The following GBP5 variants were observed in gnomAD, a reference collection of about 807,000 sequenced individuals.
GBP5 encodes guanylate-binding protein 5.
A neutral mutation model predicts 58.2 loss-of-function variants in GBP5; 48 were observed. The ratio of observed to expected loss-of-function variants is 0.83; its 90% CI spans 0.65 to 1.05. The LOEUF is 1.05. Ranked by LOEUF, GBP5 falls within the 50% of genes least tolerant of loss-of-function variation. GBP5 has a pLI of 0.00. For synonymous variants in GBP5, 248 were observed against 251.8 expected (o/e 0.98, Z 0.14); for missense variants, 714 against 686.8 (o/e 1.04, Z -0.44).
rs1649891363 is a variant in GBP5, at chr1:89,258,997, G to T, written c.*1707C>A. ...TTTATGGTTAAAATCTGTACAAACAGATATATTTATATAAGTTACATATTT... is the reference window on the plus strand; with the variant it reads ...TTTATGGTTAAAATCTGTACAAACATATATATTTATATAAGTTACATATTT... On this transcript the variant is annotated 3_prime_UTR_variant, in exon 12 of 12. Coordinates refer to ENST00000370459, the MANE Select transcript of GBP5 (RefSeq NM_052942.5). The T allele has an allele frequency of 6.6e-6, 1 of 152,046 alleles. No homozygotes were observed. Among genetic ancestry groups the T allele is most frequent in the Admixed American group, 6.5e-5 (1 of 15,280 alleles). 9.4% of individuals were successfully genotyped at this position (152,046 alleles called of 1,614,324 possible). A position where few individuals can be genotyped will look rare whatever the true frequency, so the allele number is the denominator to read the frequency against.
rs769658623 is a variant in GBP5, at chr1:89,268,841, G to A, written c.206C>T (p.Ser69Phe). 10 of 1,613,778 alleles carry A rather than the reference G, an allele frequency of 6.2e-6. No individual in the cohort carries two copies. The East Asian group carries it at 2.2e-4, about 36-fold the overall frequency. ...TCCCTTGGTGTGAGACTGCACCGTA[G>A]ATGCAACAGAGAAGCCTGTCAGGGG... The part of the protein sequence containing the change: ...AGKNKGFSVA[S>F]TVQSHTKGIW... The change falls in exon 4 of 12, where the codon TCT (serine) becomes TTT (phenylalanine). Residue 69 changes from serine (S) to phenylalanine (F), a missense_variant. Ser to Phe is a radical substitution (Grantham distance 155). Transcript: ENST00000370459.
At chr1:89,268,637 T>C in intron 4 of GBP5, 92 bp downstream of exon 4, 1 of 1,347,698 alleles carries the variant, frequency 7.4e-7, no homozygotes, top group Non-Finnish European at 1.1e-6. Context: ...ATTGGTCAAG[T>C]GGAACTACAA....
At position 89,272,681 on chromosome 1, in the gene GBP5, G is replaced by C. The variant is rs568521303; in HGVS notation, c.-357C>G. 6 of 154,694 alleles carry C rather than the reference G, an allele frequency of 3.9e-5. No individual in the cohort carries two copies. The Admixed American group carries it at 3.9e-4, about 10-fold the overall frequency. 9.6% of individuals were successfully genotyped at this position (154,694 alleles called of 1,614,324 possible). On this transcript the variant is annotated 5_prime_UTR_variant, in exon 1 of 12. Transcript: ENST00000370459. The stretch of plus-strand genomic sequence containing the variant: ...TACAGCTCTTAAGGCTGCGCGTCTG[G>C]AGTTGTTTGTTCCTCCTGGTGGGTT...
At chr1:89,267,599 G>A in intron 4 of GBP5, 73 bp from the exon 5 acceptor site, 1 of 843,856 alleles carries the variant, frequency 1.2e-6, no homozygotes, top group Non-Finnish European at 2.0e-6. Context: ...ATAGGCTCTT[G>A]TCATAAATGT....
intron 11 of GBP5, 111 bp downstream of exon 11, chr1:89,262,109 G>T: frequency 1.9e-6 from 2 of 1,026,192 alleles, no homozygotes; most frequent in Admixed American, 2.0e-5. Flanking sequence ...AGACTTTCTG[G>T]CTCCAGACTC....
intron 9 of GBP5, chr1:89,263,421 G>A (rs373838319): frequency 4.4e-5 from 11 of 249,320 alleles, no homozygotes; most frequent in African/African-American, 2.0e-4. Flanking sequence ...TTAGTTTCAA[G>A]TATTGGCATT....
rs549955368 is a variant in GBP5, at chr1:89,262,393, C to T, written c.1474G>A (p.Val492Met). The T allele has an allele frequency of 1.9e-6, 3 of 1,613,716 alleles. No homozygotes were observed. Among genetic ancestry groups the T allele is most frequent in the Non-Finnish European group, 1.7e-6 (2 of 1,179,890 alleles). Reference sequence around the variant, plus strand: ...TCAGCCTTTTCAGCTTCTGCTTTCACTTGTGCCTCTGAGGAGAAAAAGATA... The same window carrying T: ...TCAGCCTTTTCAGCTTCTGCTTTCATTTGTGCCTCTGAGGAGAAAAAGATA... ...ETEKKKKEAQ[V>M]KAEAEKAEAQ... Residue 492 changes from valine to methionine, a missense_variant, in exon 11 of 12, where the codon GTG becomes ATG. Coordinates refer to ENST00000370459, the MANE Select transcript of GBP5 (RefSeq NM_052942.5).
chr1:89,262,001 T>A, intron 11 of GBP5: 1 of 561,604 alleles, frequency 1.8e-6, no homozygotes, highest in East Asian at 2.9e-5. Flanking sequence ...ATATCATCAC[T>A]GTGTCCATTT....
At chr1:89,271,849 GAACCC>G (rs1650468922) in intron 1 of GBP5, 2 of 152,186 alleles carry the variant, frequency 1.3e-5, no homozygotes, top group African/African-American at 4.8e-5. Flanking sequence ...AGTAGAAGCA[GAACCC>G]AACACAAAAG....
chr1:89,263,894 A>G lies in GBP5; in HGVS notation c.1204T>C (p.Ser402Pro). The change falls in exon 9 of 12, where the codon TCG becomes CCG. Residue 402 changes from serine to proline, a missense_variant. By Grantham distance (74) the Ser-to-Pro change is moderately conservative. Transcript: ENST00000370459. ...TTAAGTAAAGCCGAGCAATAATCCG[A>G]GGATGCTTCCAGGTTCCGTTTACAA... is the stretch of plus-strand genomic sequence containing the variant. Reference protein sequence around the residue: ...DICKRNLEASSDYCSALLKDI... With the variant: ...DICKRNLEASPDYCSALLKDI... The G allele has an allele frequency of 6.2e-7, 1 of 1,612,920 alleles. No homozygotes were observed.
intron 7 of GBP5, among the ~76,000 whole-genome samples, 183 bp downstream of exon 7, chr1:89,266,163 T>C (rs1487488928): frequency 6.6e-6 from 1 of 152,242 alleles, no homozygotes; most frequent in Non-Finnish European, 1.5e-5. Context: ...ACTTTAAAGG[T>C]ATTACTACAC....
intron 8 of GBP5, 44 bp downstream of exon 8, chr1:89,264,642 C>G (rs369079776): frequency 6.4e-7 from 1 of 1,564,522 alleles, no homozygotes; most frequent in African/African-American, 1.4e-5. Flanking sequence ...CAATACTTTG[C>G]CTTCTTGACC....
Position 89,262,697 on chromosome 1 carries a change from T to TC in GBP5, c.1450dup (p.Glu484GlyfsTer14). ...TTTCTTCTCACCTTTCTTCTTTTTT[T>TC]CCGTCTCTGTGAGAGCCTGGTCAGT... is the stretch of plus-strand genomic sequence containing the variant. On this transcript the variant is annotated frameshift_variant, in exon 10 of 12. Coordinates refer to ENST00000370459, the MANE Select transcript of GBP5 (RefSeq NM_052942.5). LOFTEE classifies it high-confidence loss of function. The TC allele has an allele frequency of 6.2e-7, 1 of 1,601,500 alleles. No individual in the cohort carries two copies. The highest frequency in any genetic ancestry group is 8.5e-7 in the Non-Finnish European group (1 of 1,169,634).
In GBP5 at chr1:89,267,503, C is replaced by A. The variant is rs367979299; in HGVS notation, c.342G>T (p.Gln114His). 3.1e-6 allele frequency: 5 copies of A among 1,613,658 alleles called. No homozygotes were observed. The South Asian group carries it at 5.5e-5, about 18-fold the overall frequency. Residue 114 changes from glutamine to histidine, a missense_variant, in exon 5 of 12, where the codon CAG (glutamine) becomes CAT (histidine). By Grantham distance (24) the Gln-to-His change is conservative. Coordinates refer to ENST00000370459, the MANE Select transcript of GBP5 (RefSeq NM_052942.5). ...TCAGTAAGAGTGCCAGTGCAAAGAT[C>A]TGGATATCATTCTTGTTGTCAGCCT... ...VEKADNKNDI[Q>H]IFALALLLSS...
chr1:89,260,719 T>C lies in GBP5; in HGVS notation c.1746A>G (p.Pro582=), dbSNP rs1649975095. The part of the protein sequence containing the change: ...HAQRTVNNDD[P]CVLL ...ATTTAGCACTTTAGAGTAAAACACA[T>C]GGATCATCGTTATTAACAGTCCTCT... is the stretch of plus-strand genomic sequence containing the variant. The change falls in exon 12 of 12, where the codon CCA becomes CCG. Residue 582 remains proline, a synonymous_variant. Coordinates refer to ENST00000370459, the MANE Select transcript of GBP5 (RefSeq NM_052942.5). 1 of 1,611,684 alleles carries C rather than the reference T, an allele frequency of 6.2e-7. No homozygotes were observed. Among genetic ancestry groups the C allele is most frequent in the Non-Finnish European group, 8.5e-7 (1 of 1,177,924 alleles).
intron 11 of GBP5, among the ~76,000 whole-genome samples, chr1:89,261,552 TATCTC>T (rs1483568268): frequency 3.3e-5 from 5 of 152,228 alleles, no homozygotes; most frequent in East Asian, 1.9e-4. Flanking sequence ...AAACCCCACT[TATCTC>T]ATCTGAAAAA....
intron 6 of GBP5, 112 bp downstream of exon 6, chr1:89,266,845 C>T: frequency 4.4e-6 from 3 of 681,082 alleles, no homozygotes. Context: ...TTTAGGAGAG[C>T]TGGGTGAATA....
intron 1 of GBP5, chr1:89,271,611 C>T (rs572963137): frequency 1.3e-5 from 2 of 152,256 alleles, no homozygotes; most frequent in South Asian, 4.1e-4. Context: ...TTATTGCTTG[C>T]TTTTGCTTAT....
intron 7 of GBP5, among the ~76,000 whole-genome samples, chr1:89,265,329 T>C (rs918712093): frequency 1.3e-5 from 2 of 151,930 alleles, no homozygotes; most frequent in Admixed American, 6.5e-5. Flanking sequence ...TCCCTTTTTC[T>C]CTCAGCTTTC....
Sources: gnomAD v4.1 joint callset for allele counts (sites outside exome capture counted in the v4.1 genomes callset) on GRCh38, gnomAD v4.1.1 for gene constraint, MANE v1.5 for transcripts, NCBI Gene and HGNC (gene_info 2026-07-23, HGNC 2026-07-21) for gene names.